Variants in MEGF11 observed in about 807,000 individuals in gnomAD.
MEGF11 encodes multiple EGF like domains 11, also known as multiple epidermal growth factor-like domains protein 11.
A neutral mutation model predicts 146.6 loss-of-function variants in MEGF11; 126 were observed. The observed-to-expected ratio is 0.86, with a 90% CI of 0.74 to 1.00. MEGF11 has a LOEUF of 1.00. Ranked by LOEUF, MEGF11 falls within the 50% of genes least tolerant of loss-of-function variation. MEGF11 has a pLI of 0.00. For synonymous variants in MEGF11, 532 were observed against 583.4 expected (o/e 0.91, Z 1.27); for missense variants, 1,509 against 1,521.2 (o/e 0.99, Z 0.13).
rs754755278 is a variant in MEGF11 at position 65,922,323 on chromosome 15, C to T, written c.1957+15G>A. The T allele has an allele frequency of 1.2e-6, 2 of 1,605,948 alleles. No individual in the cohort carries two copies. The highest frequency in any genetic ancestry group is 1.7e-6 in the Non-Finnish European group (2 of 1,176,454). On this transcript the variant is annotated intron_variant, in intron 15 of 25. Transcript: ENST00000395614. ...CTCACCTCCCCACCCAGTACCTTCC[C>T]ACTGGAGACAGTACCTTGGTTGCAG...
chr15:65,943,865 G>A (rs991026259), intron 10 of MEGF11, among the ~76,000 whole-genome samples: 2 of 152,140 alleles, frequency 1.3e-5, no homozygotes, highest in African/African-American at 2.4e-5. Context: ...CATGTGTACC[G>A]TAAAAGAGCC....
rs568804090 is a variant in MEGF11 at position 65,896,962 on chromosome 15, C to T, written c.*972G>A. On this transcript the variant is annotated 3_prime_UTR_variant, in exon 26 of 26. Transcript: ENST00000395614. ...CTGTATACTTTTAGGTTTCATACTA[C>T]GTCAATCTCAAGATTTATGAAGAAC... 8 of 152,272 alleles carry T rather than the reference C, an allele frequency of 5.3e-5. No individual in the cohort carries two copies. The highest frequency in any genetic ancestry group is 4.1e-4 in the South Asian group (2 of 4,824). 9.4% of individuals were successfully genotyped at this position (152,272 alleles called of 1,614,324 possible).
chr15:66,207,835 C>A (rs1409069229), intron 1 of MEGF11, among the ~76,000 whole-genome samples: 1 of 152,186 alleles, frequency 6.6e-6, no homozygotes, highest in Non-Finnish European at 1.5e-5. Context: ...GTAGTCCCAG[C>A]ACTTTGGGAG....
chr15:65,965,613 C>CTTTTTTTTTTTTTTTTT (rs1186551497), intron 8 of MEGF11, among the ~76,000 whole-genome samples: 3 of 53,522 alleles, frequency 5.6e-5, no homozygotes, highest in Non-Finnish European at 9.6e-5. Flanking sequence ...TTTTTTTTTT[C>CTTTTTTTTTTTTTTTTT]TTTTTTTTTT....
intron 5 of MEGF11, among the ~76,000 whole-genome samples, chr15:66,087,398 T>C (rs2086154757): frequency 6.6e-6 from 1 of 152,176 alleles, no homozygotes; most frequent in African/African-American, 2.4e-5. Flanking sequence ...CATGGAACTT[T>C]CTCCAAGAGA....
chr15:66,215,077 C>T (rs1023093609), intron 1 of MEGF11, among the ~76,000 whole-genome samples: 4 of 152,074 alleles, frequency 2.6e-5, no homozygotes, highest in African/African-American at 7.2e-5. Flanking sequence ...GGAGCTCTAA[C>T]GCCTCCTCCC....
intron 1 of MEGF11, among the ~76,000 whole-genome samples, chr15:66,215,094 T>C (rs2140141855): frequency 6.6e-6 from 1 of 152,260 alleles, no homozygotes; most frequent in South Asian, 2.1e-4. Flanking sequence ...TCCCACACAC[T>C]CATACGCGCT....
At chr15:65,977,322 TG>T (rs1373827255) in intron 7 of MEGF11, among the ~76,000 whole-genome samples, 1 of 151,800 alleles carries the variant, frequency 6.6e-6, no homozygotes, top group Admixed American at 6.6e-5. Context: ...TGCTCCAGGG[TG>T]GCATGGACAC....
intron 4 of MEGF11, among the ~76,000 whole-genome samples, chr15:66,114,319 A>G (rs1244207702): frequency 1.3e-5 from 2 of 152,148 alleles, no homozygotes; most frequent in African/African-American, 4.8e-5. Context: ...CTGCTCCATC[A>G]GCCTAGGACC....
chr15:66,073,276 C>T (rs1044401097), intron 5 of MEGF11, among the ~76,000 whole-genome samples: 1 of 152,186 alleles, frequency 6.6e-6, no homozygotes, highest in Admixed American at 6.5e-5. Flanking sequence ...AGAATCACGC[C>T]CCCCTTCTTC....
chr15:66,201,807 C>A (rs1352475371), intron 1 of MEGF11, among the ~76,000 whole-genome samples: 3 of 149,388 alleles, frequency 2.0e-5, no homozygotes, highest in Non-Finnish European at 3.0e-5. Flanking sequence ...ATTAACCAGG[C>A]ATGTTGGTGC....
At chr15:65,972,040 G>A (rs771614636) in intron 7 of MEGF11, among the ~76,000 whole-genome samples, 8 of 151,970 alleles carry the variant, frequency 5.3e-5, no homozygotes, top group Non-Finnish European at 1.2e-4. Flanking sequence ...AAAATAAAAT[G>A]GTGGAAATTA....
chr15:66,176,281 A>G (rs746969417), intron 1 of MEGF11, among the ~76,000 whole-genome samples: 2 of 152,202 alleles, frequency 1.3e-5, no homozygotes, highest in Admixed American at 6.5e-5. Flanking sequence ...TAGCACTACC[A>G]TAGGATCCAC....
At chr15:65,997,348 A>T (rs1424800460) in intron 5 of MEGF11, among the ~76,000 whole-genome samples, 1 of 152,216 alleles carries the variant, frequency 6.6e-6, no homozygotes, top group African/African-American at 2.4e-5. Flanking sequence ...CATTCACTCA[A>T]CAAGACTTGA....
intron 5 of MEGF11, among the ~76,000 whole-genome samples, chr15:66,035,536 G>A (rs1012999388): frequency 6.6e-6 from 1 of 152,148 alleles, no homozygotes; most frequent in Non-Finnish European, 1.5e-5. Context: ...CTCCTTCAAA[G>A]CCAAAGCTTT....
intron 2 of MEGF11, among the ~76,000 whole-genome samples, chr15:66,125,103 A>G (rs1391778957): frequency 6.6e-6 from 1 of 152,192 alleles, no homozygotes; most frequent in Non-Finnish European, 1.5e-5. Flanking sequence ...TGATGCCTGA[A>G]AGGTCAAAGG....
At position 66,133,403 on chromosome 15, in the gene MEGF11, C is replaced by T. The variant is rs74603136; in HGVS notation, c.-8-4992G>A. Among the ~76,000 whole-genome samples the T allele has an allele frequency of 4.9e-3, 751 of 152,344 alleles. 3 individuals are homozygous for T. Among genetic ancestry groups the T allele is most frequent in the Middle Eastern group, 0.024 (7 of 294 alleles). On this transcript the variant is annotated intron_variant, in intron 1 of 25. Transcript: ENST00000395614. ...CCCAAACTGGAGCTGATAAAGCAAA[C>T]GCCTCACATTTCTCCCGGCATGTGG...
At chr15:66,027,547 C>CA (rs1470894885) in intron 5 of MEGF11, among the ~76,000 whole-genome samples, 1 of 152,242 alleles carries the variant, frequency 6.6e-6, no homozygotes, top group Admixed American at 6.5e-5. Context: ...CCCTCTGCCC[C>CA]ACTGCAGGTC....
At chr15:66,244,167 C>T (rs1180439720) in intron 1 of MEGF11, among the ~76,000 whole-genome samples, 1 of 152,162 alleles carries the variant, frequency 6.6e-6, no homozygotes, top group African/African-American at 2.4e-5. Context: ...AATGGTGGTC[C>T]TTGCTATGGT....
Sources: gnomAD v4.1 joint callset for allele counts (sites outside exome capture counted in the v4.1 genomes callset) on GRCh38, gnomAD v4.1.1 for gene constraint, MANE v1.5 for transcripts, NCBI Gene and HGNC (gene_info 2026-07-23, HGNC 2026-07-21) for gene names.